The following NDST4 variants were observed in gnomAD, a reference collection of about 807,000 sequenced individuals.
NDST4 encodes the protein N-heparan sulfate sulfotransferase 4.
NDST4 carries 63 observed loss-of-function variants against 100.8 expected under a neutral mutation model. The observed-to-expected ratio is 0.62, with a 90% CI of 0.51 to 0.77. The LOEUF (loss-of-function observed/expected upper bound fraction) is 0.77. NDST4 is among the 30% of genes least tolerant of loss of function. The pLI, the probability that NDST4 is intolerant of heterozygous loss-of-function variation, is 0.00. For synonymous variants in NDST4, 377 were observed against 361.8 expected, an observed-to-expected ratio of 1.04 and a Z score of -0.48; for missense variants, 943 against 1,018.4, an observed-to-expected ratio of 0.93 and a Z score of 1.01.
At chr4:115,072,946 A>T (rs572063211) in intron 2 of NDST4, among the ~76,000 whole-genome samples, 1 of 152,138 alleles carries the variant, frequency 6.6e-6, no homozygotes, top group African/African-American at 2.4e-5. Context: ...AGGTAATACT[A>T]AAGTATATAT....
At chr4:115,108,803 C>G (rs909643819) in intron 1 of NDST4, among the ~76,000 whole-genome samples, 2 of 151,994 alleles carry the variant, frequency 1.3e-5, no homozygotes, top group African/African-American at 2.4e-5. Flanking sequence ...TTAACCCACT[C>G]TTTCTCTTCA....
At chr4:114,844,816 A>G (rs1025040295) in intron 10 of NDST4, among the ~76,000 whole-genome samples, 42 of 152,334 alleles carry the variant, frequency 2.8e-4, no homozygotes, top group African/African-American at 9.6e-4. Context: ...TAGTGCTGCA[A>G]TGCTCCTAAA....
chr4:114,843,531 T>C (rs944839422), intron 10 of NDST4, among the ~76,000 whole-genome samples: 11 of 152,224 alleles, frequency 7.2e-5, no homozygotes, highest in Non-Finnish European at 1.5e-5. Flanking sequence ...GCTGCCTCTA[T>C]TTCTTCACCC....
chr4:114,940,328 A>T (rs1330730437), intron 4 of NDST4, among the ~76,000 whole-genome samples: 1 of 152,222 alleles, frequency 6.6e-6, no homozygotes, highest in Non-Finnish European at 1.5e-5. Flanking sequence ...TATGAAAAAG[A>T]TCACCATTTT....
chr4:115,092,860 G>A (rs1729545857), intron 1 of NDST4, among the ~76,000 whole-genome samples: 1 of 152,148 alleles, frequency 6.6e-6, no homozygotes, highest in Non-Finnish European at 1.5e-5. Flanking sequence ...GTTTAGGTTA[G>A]TAATCACGTT....
In NDST4 at chr4:115,092,949, C is replaced by A. The variant is rs554338294; in HGVS notation, c.-246-15667G>T. Among the ~76,000 whole-genome samples the A allele has an allele frequency of 5.3e-4, 81 of 152,070 alleles. 1 individual carries two copies. The highest frequency in any genetic ancestry group is 3.9e-3 in the Admixed American group (60 of 15,262). Reference sequence around the variant, plus strand: ...AAAAAATCCAAGTATATGCTGTTTACAATGGATATAAAATAATGGGTGAAA... The same window carrying A: ...AAAAAATCCAAGTATATGCTGTTTAAAATGGATATAAAATAATGGGTGAAA... On this transcript the variant is annotated intron_variant, in intron 1 of 13. Transcript: ENST00000264363.
chr4:115,007,628 G>A (rs1727451033), intron 2 of NDST4, among the ~76,000 whole-genome samples: 1 of 67,892 alleles, frequency 1.5e-5, no homozygotes, highest in Non-Finnish European at 3.1e-5. Context: ...AGGACTGATG[G>A]AATAAAGTCC....
intron 1 of NDST4, among the ~76,000 whole-genome samples, chr4:115,096,823 A>G (rs1253752012): frequency 6.6e-6 from 1 of 152,084 alleles, no homozygotes; most frequent in Non-Finnish European, 1.5e-5. Flanking sequence ...TGCTAAGTCC[A>G]ATTTTTCTAG....
intron 12 of NDST4, among the ~76,000 whole-genome samples, chr4:114,831,354 C>T (rs1273718351): frequency 1.3e-5 from 2 of 152,174 alleles, no homozygotes; most frequent in East Asian, 3.9e-4. Flanking sequence ...GCCCGGCCTC[C>T]AACCTGGACT....
intron 2 of NDST4, among the ~76,000 whole-genome samples, chr4:115,047,527 C>T (rs925168595): frequency 2.6e-5 from 4 of 152,038 alleles, no homozygotes; most frequent in Non-Finnish European, 4.4e-5. Context: ...AATTAAATTA[C>T]ATCCATTTGA....
intron 2 of NDST4, among the ~76,000 whole-genome samples, chr4:115,048,796 C>A (rs1395797344): frequency 6.6e-6 from 1 of 151,970 alleles, no homozygotes; most frequent in Non-Finnish European, 1.5e-5. Context: ...TGCCACTGCA[C>A]CCGGCTAATT....
intron 6 of NDST4, among the ~76,000 whole-genome samples, chr4:114,882,119 C>T (rs1724382607): frequency 6.6e-6 from 1 of 151,496 alleles, no homozygotes; most frequent in African/African-American, 2.4e-5. Context: ...CTTCCCTCTC[C>T]TACTAATTAT....
At chr4:115,026,496 C>A (rs1022319589) in intron 2 of NDST4, among the ~76,000 whole-genome samples, 15 of 151,812 alleles carry the variant, frequency 9.9e-5, no homozygotes, top group African/African-American at 3.4e-4. Context: ...TCAGATTATA[C>A]ACATGTATTT....
At chr4:114,886,173 C>T (rs140086994) in intron 6 of NDST4, among the ~76,000 whole-genome samples, 25 of 152,104 alleles carry the variant, frequency 1.6e-4, no homozygotes, top group Admixed American at 3.9e-4. Context: ...CCAAAGAAAA[C>T]GTGCCTGTTA....
intron 13 of NDST4, among the ~76,000 whole-genome samples, chr4:114,828,386 A>G (rs1030299713): frequency 6.6e-6 from 1 of 152,292 alleles, no homozygotes; most frequent in African/African-American, 2.4e-5. Flanking sequence ...CACTATTACA[A>G]ATAATAACTT....
chr4:114,834,639 C>T (rs1047334588), intron 11 of NDST4, among the ~76,000 whole-genome samples: 13 of 151,698 alleles, frequency 8.6e-5, no homozygotes, highest in Non-Finnish European at 1.6e-4. Context: ...TGTTAAGTCT[C>T]TGCCAGGTTT....
rs960522591 is a variant in NDST4 at position 114,843,303 on chromosome 4, T to A, written c.2115+2520A>T. ...GGCAGGGTTGCCCCTGGTCCCACCATCTAAGCCATTTCCTATAGCCATTCT... is the reference window on the plus strand; with the variant it reads ...GGCAGGGTTGCCCCTGGTCCCACCAACTAAGCCATTTCCTATAGCCATTCT... On this transcript the variant is annotated intron_variant, in intron 10 of 13. Coordinates refer to ENST00000264363, the MANE Select transcript of NDST4 (RefSeq NM_022569.3). Among the ~76,000 whole-genome samples, 9 of 152,202 alleles carry A rather than the reference T, an allele frequency of 5.9e-5. No homozygotes were observed. The South Asian group carries it at 1.4e-3, about 24-fold the overall frequency.
intron 5 of NDST4, 133 bp downstream of exon 5, chr4:114,937,185 T>G: frequency 1.7e-4 from 154 of 905,842 alleles, no homozygotes; most frequent in Non-Finnish European, 2.3e-4. Flanking sequence ...CAGTCACCAT[T>G]GAGATATGTT....
intron 7 of NDST4, among the ~76,000 whole-genome samples, chr4:114,862,111 A>G (rs1723930014): frequency 6.6e-6 from 1 of 152,182 alleles, no homozygotes; most frequent in South Asian, 2.1e-4. Flanking sequence ...AAATATTTGT[A>G]GAATGACTTA....
Sources: allele counts gnomAD v4.1 joint callset (sites outside exome capture counted in the v4.1 genomes callset), GRCh38; gene constraint gnomAD v4.1.1; transcripts MANE v1.5; gene names NCBI Gene and HGNC (gene_info 2026-07-23, HGNC 2026-07-21).